Variants in RHOU observed in about 807,000 individuals in gnomAD.
The protein encoded by RHOU is ras homolog family member U, also known as rho-related GTP-binding protein RhoU.
RHOU carries 8 observed loss-of-function variants against 12.6 expected under a neutral mutation model. That is an observed-to-expected ratio of 0.64 (90% confidence interval 0.37 to 1.15). The LOEUF (loss-of-function observed/expected upper bound fraction) is 1.15, where lower values mean the gene tolerates loss of function less well. RHOU is among the 50% of genes most tolerant of loss of function. The pLI is 0.01. For synonymous variants in RHOU, 161 were observed against 147.4 expected (o/e 1.09, Z -0.67); for missense variants, 258 against 347.0 (o/e 0.74, Z 2.04).
chr1:228,735,621 AG>A lies in RHOU; in HGVS notation c.-119del. On this transcript the variant is annotated 5_prime_UTR_variant, in exon 1 of 3. Transcript: ENST00000366691. The surrounding 1 kb of genome is among the most constrained non-coding windows in gnomAD (Gnocchi z 8.1). ...GTGCGGCCCGGAACCGCCACTCTCC[AG>A]GGCCGGGGACGCGCCCGCAGCTGTC... 1.3e-6 allele frequency: 1 copy of A among 799,518 alleles called. No homozygotes were observed. The highest frequency in any genetic ancestry group is 4.8e-5 in the East Asian group (1 of 20,940). The allele number at this position is 799,518 out of a possible 1,614,324, so 49.5% of individuals were successfully genotyped here.
chr1:228,659,814 T>G, the RHOU span, among the ~76,000 whole-genome samples: 2 of 151,398 alleles, frequency 1.3e-5, no homozygotes, highest in Non-Finnish European at 3.0e-5. Context: ...TGAAACCATC[T>G]CTACTAAAAA....
the RHOU span, among the ~76,000 whole-genome samples, chr1:228,651,825 G>A: frequency 2.6e-5 from 4 of 152,166 alleles, no homozygotes; most frequent in South Asian, 2.1e-4. Context: ...GTCTGTCTCC[G>A]TTGCTTCAGG....
chr1:228,664,370 G>A, the RHOU span, among the ~76,000 whole-genome samples: 1 of 152,132 alleles, frequency 6.6e-6, no homozygotes, highest in African/African-American at 2.4e-5. Context: ...AAGCTTCCAA[G>A]TGGCTCATTT....
At chr1:228,665,645 G>A in the RHOU span, among the ~76,000 whole-genome samples, 2 of 152,314 alleles carry the variant, frequency 1.3e-5, no homozygotes, top group Non-Finnish European at 2.9e-5. Context: ...TCCCAGGATT[G>A]AGAACCTGCA....
At chr1:228,648,672 G>A in the RHOU span, among the ~76,000 whole-genome samples, 1 of 151,864 alleles carries the variant, frequency 6.6e-6, no homozygotes, top group South Asian at 2.1e-4. Flanking sequence ...TACCTGAATT[G>A]TTTCATGTGA....
At chr1:228,657,615 A>G in the RHOU span, among the ~76,000 whole-genome samples, 24 of 152,346 alleles carry the variant, frequency 1.6e-4, no homozygotes, top group Non-Finnish European at 2.8e-4. Flanking sequence ...GTAATAATGG[A>G]TAGAATGATC....
the RHOU span, among the ~76,000 whole-genome samples, chr1:228,655,585 C>T: frequency 6.6e-6 from 1 of 152,138 alleles, no homozygotes; most frequent in South Asian, 2.1e-4. Context: ...AGAGCCACTC[C>T]CTCTAAACCT....
chr1:228,683,825 G>A, the RHOU span, among the ~76,000 whole-genome samples: 3 of 152,308 alleles, frequency 2.0e-5, no homozygotes, highest in East Asian at 3.9e-4. Context: ...ATTTCCCCAC[G>A]TTGACATTTT....
Position 228,744,906 on chromosome 1 carries a change from TTTTA to T in RHOU, c.*1169_*1172del, listed in dbSNP as rs1662797095. ...TGACCCTTTTTTGAACCAACATCTT[TTTTA>T]TTATATTCAGAGTATGTTTTTAAGT... On this transcript the variant is annotated 3_prime_UTR_variant, in exon 3 of 3. Coordinates refer to ENST00000366691, the MANE Select transcript of RHOU (RefSeq NM_021205.6). The T allele has an allele frequency of 1.3e-5, 2 of 152,220 alleles. No individual in the cohort carries two copies. Among genetic ancestry groups the T allele is most frequent in the African/African-American group, 4.8e-5 (2 of 41,460 alleles). The allele number at this position is 152,220 out of a possible 1,614,324, so 9.4% of individuals were successfully genotyped here. A position where few individuals can be genotyped will look rare whatever the true frequency, so the allele number is the denominator to read the frequency against.
chr1:228,707,718 C>A, the RHOU span, among the ~76,000 whole-genome samples: 7 of 152,232 alleles, frequency 4.6e-5, no homozygotes, highest in South Asian at 1.5e-3. Flanking sequence ...AAAACCAGAG[C>A]AGAAAAACTG....
At chr1:228,698,989 G>A in the RHOU span, among the ~76,000 whole-genome samples, 1 of 152,232 alleles carries the variant, frequency 6.6e-6, no homozygotes, top group African/African-American at 2.4e-5. Context: ...TGGGTGGCAA[G>A]AGTAGTCTTT....
chr1:228,700,557 T>G, the RHOU span, among the ~76,000 whole-genome samples: 4 of 152,310 alleles, frequency 2.6e-5, no homozygotes, highest in South Asian at 8.3e-4. Context: ...AGAAACTCTA[T>G]CAGAATTAAG....
the RHOU span, among the ~76,000 whole-genome samples, chr1:228,729,083 T>G: frequency 6.6e-6 from 1 of 151,514 alleles, no homozygotes; most frequent in Non-Finnish European, 1.5e-5. Flanking sequence ...TTCAGTAGAG[T>G]CGGAGTTTCA....
chr1:228,661,376 A>ATGT, the RHOU span, among the ~76,000 whole-genome samples: 1 of 152,230 alleles, frequency 6.6e-6, no homozygotes, highest in Non-Finnish European at 1.5e-5. Context: ...TGCCAAGACA[A>ATGT]TCTTAAGCAA....
the RHOU span, among the ~76,000 whole-genome samples, chr1:228,666,829 C>A: frequency 1.3e-5 from 2 of 152,184 alleles, no homozygotes; most frequent in Non-Finnish European, 1.5e-5. Context: ...GCAATTCCCT[C>A]ATGGAATGTA....
the RHOU span, among the ~76,000 whole-genome samples, chr1:228,682,994 A>G: frequency 6.6e-6 from 1 of 152,108 alleles, no homozygotes; most frequent in East Asian, 1.9e-4. Flanking sequence ...TGAGCCCCAT[A>G]CTGTATATCT....
At position 228,743,775 on chromosome 1, in the gene RHOU, T is replaced by C. The variant is rs371898165; in HGVS notation, c.*35T>C. The C allele has an allele frequency of 2.9e-4, 457 of 1,565,174 alleles. No individual in the cohort carries two copies. The African/African-American group carries it at 5.5e-3, about 19-fold the overall frequency. ...GACACCCAGAAAGGCTATTTTCAGATGAAATCGATATTAGAAGCTATATTA... is the reference window on the plus strand; with the variant it reads ...GACACCCAGAAAGGCTATTTTCAGACGAAATCGATATTAGAAGCTATATTA... On this transcript the variant is annotated 3_prime_UTR_variant, in exon 3 of 3. Transcript: ENST00000366691. This position sits in a 1 kb window ranked among gnomAD's most constrained non-coding sequence, Gnocchi z 5.1.
the RHOU span, chr1:228,651,064 GACC>G: frequency 3.9e-6 from 1 of 255,548 alleles, no homozygotes; most frequent in South Asian, 6.1e-5. Flanking sequence ...CCCTCATAAA[GACC>G]AAGCACTTCT....
chr1:228,733,265 G>A (rs1209315042), upstream of RHOU, among the ~76,000 whole-genome samples: 3 of 152,202 alleles, frequency 2.0e-5, no homozygotes, highest in Admixed American at 1.3e-4. Flanking sequence ...TTTTGATCAG[G>A]TTTAGTAGAG....
Sources: gnomAD v4.1 joint callset for allele counts (sites outside exome capture counted in the v4.1 genomes callset) on GRCh38, gnomAD v4.1.1 for gene constraint, Gnocchi (gnomAD v3.1) non-coding constraint, MANE v1.5 for transcripts, NCBI Gene and HGNC (gene_info 2026-07-23, HGNC 2026-07-21) for gene names.